The following VWA5B2 variants were observed in gnomAD, a reference collection of about 807,000 sequenced individuals.
VWA5B2 encodes the protein von Willebrand factor A domain-containing protein 5B2.
Under a neutral mutation model 118.5 loss-of-function variants are expected in VWA5B2, and 93 were observed. That is an observed-to-expected ratio of 0.79 (90% confidence interval 0.66 to 0.93). The LOEUF (loss-of-function observed/expected upper bound fraction) is 0.93. VWA5B2 is among the 40% of genes least tolerant of loss of function. VWA5B2 has a pLI of 0.00. For synonymous variants in VWA5B2, 708 were observed against 716.3 expected, an observed-to-expected ratio of 0.99 and a Z score of 0.19; for missense variants, 1,546 against 1,672.8, an observed-to-expected ratio of 0.92 and a Z score of 1.32.
Position 184,240,684 on chromosome 3 carries a change from T to C in VWA5B2, c.2741-107T>C, listed in dbSNP as rs771083457. The C allele has an allele frequency of 2.5e-4, 366 of 1,441,478 alleles. 1 individual carries two copies. Among genetic ancestry groups the C allele is most frequent in the Middle Eastern group, 1.0e-3 (4 of 3,976 alleles). 89.3% of individuals were successfully genotyped at this position (1,441,478 alleles called of 1,614,324 possible). On this transcript the variant is annotated intron_variant, in intron 16 of 19. Transcript: ENST00000691901. Reference sequence around the variant, plus strand: ...GGCCTAGCAAGGCAATCTACTCTGTTAAAGTCGATAGAGGGAGAAGCTGGG... The same window carrying C: ...GGCCTAGCAAGGCAATCTACTCTGTCAAAGTCGATAGAGGGAGAAGCTGGG...
In VWA5B2 at chr3:184,237,291, G is replaced by A. The variant is rs1009360732; in HGVS notation, c.1599G>A (p.Val533=). 1.3e-6 allele frequency: 2 copies of A among 1,551,658 alleles called. No individual in the cohort carries two copies. Among genetic ancestry groups the A allele is most frequent in the Non-Finnish European group, 1.7e-6 (2 of 1,147,024 alleles). The part of the protein sequence containing the change: ...ALSDISVDWF[V]PDTVEALLTP... ...GTGACATCTCTGTGGACTGGTTTGT[G>A]CCCGACACTGTGGAGGCACTGCTGA... Residue 533 remains valine, a synonymous_variant, in exon 12 of 20, where the codon GTG becomes GTA. Coordinates refer to ENST00000691901, the MANE Select transcript of VWA5B2 (RefSeq NM_001390846.1). The surrounding 1 kb of genome is among the most constrained non-coding windows in gnomAD (Gnocchi z 5.6).
At chr3:184,234,491 A>G (rs1009196074) in intron 6 of VWA5B2, 94 bp downstream of exon 6, 9 of 1,533,626 alleles carry the variant, frequency 5.9e-6, no homozygotes, top group African/African-American at 4.1e-5. Flanking sequence ...GGCCCCAGCC[A>G]GATGGACTGA....
Position 184,241,428 on chromosome 3 carries a change from TG to T in VWA5B2, c.3180+26del. ...TGGTGAGGACTCGGGAGGTGGAGGG[TG>T]GTGCCGCCGGGGCCGGGCGCTGTTT... On this transcript the variant is annotated intron_variant, in intron 19 of 19. Transcript: ENST00000691901. This position sits in a 1 kb window ranked among gnomAD's most constrained non-coding sequence, Gnocchi z 5.1. The T allele has an allele frequency of 2.5e-6, 4 of 1,573,824 alleles. No homozygotes were observed. Among genetic ancestry groups the T allele is most frequent in the Non-Finnish European group, 3.5e-6 (4 of 1,158,632 alleles).
rs1462599168 is a variant in VWA5B2, at chr3:184,240,805, T to C, written c.2755T>C (p.Cys919Arg). The C allele has an allele frequency of 1.3e-6, 2 of 1,551,026 alleles. No individual in the cohort carries two copies. Among genetic ancestry groups the C allele is most frequent in the South Asian group, 2.4e-5 (2 of 84,038 alleles). Residue 919 changes from cysteine to arginine, a missense_variant, in exon 17 of 20, where the codon TGC becomes CGC. By Grantham distance (180) the Cys-to-Arg change is radical (BLOSUM62 -3). Around this residue, in one of 3 missense-constraint regions of VWA5B2, gnomAD observed 763 missense variants for 766.6 expected, o/e 1.00. Transcript: ENST00000691901. Reference sequence around the variant, plus strand: ...TGGTTCCACAGGCCATGCCCGGAGGTGCTGGCTTCGAGCCCTTCAGACAAG... The same window carrying C: ...TGGTTCCACAGGCCATGCCCGGAGGCGCTGGCTTCGAGCCCTTCAGACAAG... ...TTADRGHARR[C>R]WLRALQTSKV...
Position 184,234,705 on chromosome 3 carries a change from C to T in VWA5B2, c.895C>T (p.Arg299Cys), listed in dbSNP as rs762461309. ...SAEYEARVRA[R>C]RDFQRLQRRD... ...AGAATATGAGGCCCGGGTGAGGGCCCGCCGAGATTTTCAGAGGCTACAGCG... is the reference window on the plus strand; with the variant it reads ...AGAATATGAGGCCCGGGTGAGGGCCTGCCGAGATTTTCAGAGGCTACAGCG... The change falls in exon 7 of 20, where the codon CGC (arginine) becomes TGC (cysteine). Residue 299 changes from arginine to cysteine, a missense_variant. Physicochemically the swap from Arg to Cys is radical, Grantham distance 180. Around this residue, in one of 3 missense-constraint regions of VWA5B2, gnomAD observed 775 missense variants for 882.3 expected, o/e 0.88. Transcript: ENST00000691901. 2.8e-5 allele frequency: 43 copies of T among 1,551,328 alleles called. No individual in the cohort carries two copies. The highest frequency in any genetic ancestry group is 2.7e-5 in the African/African-American group (2 of 73,058).
At chr3:184,230,696 C>T in intron 2 of VWA5B2, 29 bp downstream of exon 2, 1 of 1,227,452 alleles carries the variant, frequency 8.1e-7, no homozygotes, top group Non-Finnish European at 1.0e-6. Context: ...GCGGGCGCGG[C>T]GGGGGGTGCG....
chr3:184,237,443 T>C lies in VWA5B2; in HGVS notation c.1719+32T>C, dbSNP rs1718121903. 1 of 1,522,710 alleles carries C rather than the reference T, an allele frequency of 6.6e-7. No homozygotes were observed. The highest frequency in any genetic ancestry group is 1.4e-5 in the African/African-American group (1 of 72,532). 94.3% of individuals were successfully genotyped at this position (1,522,710 alleles called of 1,614,324 possible). Reference sequence around the variant, plus strand: ...TTGGGCTGGGGTGTGGTAGGGGGGCTAGGGTGAGGTAGGGGGGCCTGGGAT... The same window carrying C: ...TTGGGCTGGGGTGTGGTAGGGGGGCCAGGGTGAGGTAGGGGGGCCTGGGAT... On this transcript the variant is annotated intron_variant, in intron 12 of 19. Coordinates refer to ENST00000691901, the MANE Select transcript of VWA5B2 (RefSeq NM_001390846.1). This position sits in a 1 kb window ranked among gnomAD's most constrained non-coding sequence, Gnocchi z 5.6.
At position 184,241,777 on chromosome 3, in the gene VWA5B2, G is replaced by A. The variant is rs1412180263; in HGVS notation, c.3468G>A (p.Gly1156=). Residue 1156 remains glycine, a synonymous_variant, in exon 20 of 20, where the codon GGG becomes GGA. Coordinates refer to ENST00000691901, the MANE Select transcript of VWA5B2 (RefSeq NM_001390846.1). The surrounding 1 kb of genome is among the most constrained non-coding windows in gnomAD (Gnocchi z 5.1). Reference sequence around the variant, plus strand: ...CCGAGGCCTCCGAGGGGGCGGAAGGGCTGGGCGGCACCGACCTGCGGGGCC... The same window carrying A: ...CCGAGGCCTCCGAGGGGGCGGAAGGACTGGGCGGCACCGACCTGCGGGGCC... ...SDTEASEGAE[G]LGGTDLRGRT... is the part of the protein sequence containing the mutation. 4 of 1,488,520 alleles carry A rather than the reference G, an allele frequency of 2.7e-6. No homozygotes were observed. Among genetic ancestry groups the A allele is most frequent in the Non-Finnish European group, 3.6e-6 (4 of 1,121,746 alleles). 92.2% of individuals were successfully genotyped at this position (1,488,520 alleles called of 1,614,324 possible). A position where few individuals can be genotyped will look rare whatever the true frequency, so the allele number is the denominator to read the frequency against.
chr3:184,241,620 C>G lies in VWA5B2; in HGVS notation c.3311C>G (p.Ser1104Trp). The change falls in exon 20 of 20, where the codon TCG becomes TGG. Residue 1104 changes from serine to tryptophan, a missense_variant. This residue lies in a region of VWA5B2 where 763 missense variants were observed against 766.6 expected (regional missense o/e 1.00). Transcript: ENST00000691901. The surrounding 1 kb of genome is among the most constrained non-coding windows in gnomAD (Gnocchi z 5.1). ...AVHRASLSPT[S>W]ASLPWALLGP... ...CACCGCGCCAGCCTCAGCCCCACCTCGGCCTCATTGCCCTGGGCACTTCTG... is the reference window on the plus strand; with the variant it reads ...CACCGCGCCAGCCTCAGCCCCACCTGGGCCTCATTGCCCTGGGCACTTCTG... 1 of 1,542,332 alleles carries G rather than the reference C, an allele frequency of 6.5e-7. No homozygotes were observed. Among genetic ancestry groups the G allele is most frequent in the Non-Finnish European group, 8.7e-7 (1 of 1,146,546 alleles).
chr3:184,234,660 G>A lies in VWA5B2; in HGVS notation c.850G>A (p.Gly284Ser), dbSNP rs1158414271. 2 of 1,551,272 alleles carry A rather than the reference G, an allele frequency of 1.3e-6. No homozygotes were observed. The highest frequency in any genetic ancestry group is 2.7e-5 in the African/African-American group (2 of 73,070). The change falls in exon 7 of 20, where the codon GGC becomes AGC. Residue 284 changes from glycine (G) to serine (S), a missense_variant. Gly to Ser is a moderately conservative substitution (Grantham distance 56). Coordinates refer to ENST00000691901, the MANE Select transcript of VWA5B2 (RefSeq NM_001390846.1). ...CCATCAGCCACACCTGATGCTGGAG[G>A]GCGGCAGCCTGAGCTCAGCAGAATA... ...EPHQPHLMLE[G>S]GSLSSAEYEA...
chr3:184,234,745 G>A lies in VWA5B2; in HGVS notation c.935G>A (p.Gly312Glu), dbSNP rs1361901189. ...FQRLQRRDSD[G>E]DRQVWFLQRR... ...AGGCTACAGCGAAGGGACAGTGATGGGGACCGGCAGGTACCGCCATAGGAG... is the reference window on the plus strand; with the variant it reads ...AGGCTACAGCGAAGGGACAGTGATGAGGACCGGCAGGTACCGCCATAGGAG... Residue 312 changes from glycine (G) to glutamate (E), a missense_variant, in exon 7 of 20, where the codon GGG becomes GAG. This residue lies in a region of VWA5B2 where 775 missense variants were observed against 882.3 expected (regional missense o/e 0.88). Coordinates refer to ENST00000691901, the MANE Select transcript of VWA5B2 (RefSeq NM_001390846.1). 2.6e-6 allele frequency: 4 copies of A among 1,550,668 alleles called. No homozygotes were observed. The Admixed American group carries it at 5.9e-5, about 23-fold the overall frequency.
At chr3:184,240,546 G>A (rs897762094) in intron 16 of VWA5B2, 17 of 556,392 alleles carry the variant, frequency 3.1e-5, no homozygotes, top group African/African-American at 3.0e-4. Flanking sequence ...CTTCCTCTGG[G>A]TGTTGTCCAG....
chr3:184,232,844 G>C, intron 3 of VWA5B2: 1 of 354,250 alleles, frequency 2.8e-6, no homozygotes, highest in Non-Finnish European at 5.1e-6. Flanking sequence ...GCCAAGGGTT[G>C]AATGGAAAGA....
In VWA5B2 at chr3:184,241,288, C is replaced by CGCCCACCTCCCCGTCCTCCCT. The variant is rs1332264603; in HGVS notation, c.3066_3086dup (p.Pro1023_Cys1029dup). On this transcript the variant is annotated inframe_insertion, in exon 19 of 20. Coordinates refer to ENST00000691901, the MANE Select transcript of VWA5B2 (RefSeq NM_001390846.1). The surrounding 1 kb of genome is among the most constrained non-coding windows in gnomAD (Gnocchi z 5.1). ...TGCCACTCCCACGGAAGGTCCTCGC[C>CGCCCACCTCCCCGTCCTCCCT]GCCCACCTCCCCGTCCTCCCTGTCG... 6 of 1,551,236 alleles carry CGCCCACCTCCCCGTCCTCCCT rather than the reference C, an allele frequency of 3.9e-6. No individual in the cohort carries two copies. Among genetic ancestry groups the CGCCCACCTCCCCGTCCTCCCT allele is most frequent in the Non-Finnish European group, 5.2e-6 (6 of 1,147,000 alleles).
At chr3:184,240,387 A>G (rs1216206667) in intron 16 of VWA5B2, 7 of 343,652 alleles carry the variant, frequency 2.0e-5, no homozygotes, top group African/African-American at 1.5e-4. Flanking sequence ...GAAAATACTT[A>G]AAGTTCATTT....
intron 6 of VWA5B2, 36 bp downstream of exon 6, chr3:184,234,433 C>A (rs1226134683): frequency 5.2e-6 from 8 of 1,549,566 alleles, no homozygotes; most frequent in Non-Finnish European, 6.1e-6. Flanking sequence ...CCGGCTCTGA[C>A]CTGCTTCTAC....
chr3:184,238,035 G>A lies in VWA5B2; in HGVS notation c.1720-268G>A, dbSNP rs932536138. On this transcript the variant is annotated intron_variant, in intron 12 of 19. Coordinates refer to ENST00000691901, the MANE Select transcript of VWA5B2 (RefSeq NM_001390846.1). This position sits in a 1 kb window ranked among gnomAD's most constrained non-coding sequence, Gnocchi z 5.0. ...TTATCTCTTTAGAAGAACTCTGCAC[G>A]CTTCCTCCTTTTTGATCATGAGAGC... Among the ~76,000 whole-genome samples the A allele has an allele frequency of 2.0e-5, 3 of 152,070 alleles. No homozygotes were observed. The highest frequency in any genetic ancestry group is 1.3e-4 in the Admixed American group (2 of 15,262).
rs1717569432 is a variant in VWA5B2 at position 184,233,148 on chromosome 3, TG to T, written c.311-29del. 6.5e-7 allele frequency: 1 copy of T among 1,535,512 alleles called. No individual in the cohort carries two copies. The highest frequency in any genetic ancestry group is 1.4e-5 in the African/African-American group (1 of 72,762). On this transcript the variant is annotated intron_variant, in intron 3 of 19. Coordinates refer to ENST00000691901, the MANE Select transcript of VWA5B2 (RefSeq NM_001390846.1). The surrounding 1 kb of genome is among the most constrained non-coding windows in gnomAD (Gnocchi z 5.2). ...TCCTCCCTCTCCTCTGCTTCCAGCA[TG>T]CTCTGACCCCATTTCTCACCCATCA... is the stretch of plus-strand genomic sequence containing the variant.
chr3:184,234,196 C>T, intron 5 of VWA5B2, 70 bp from the exon 6 acceptor site: 1 of 1,526,868 alleles, frequency 6.5e-7, no homozygotes. Flanking sequence ...GCCATGACCC[C>T]TGCCAACATT....
Sources: allele counts gnomAD v4.1 joint callset (sites outside exome capture counted in the v4.1 genomes callset), GRCh38; gene constraint gnomAD v4.1.1; regional missense constraint gnomAD v4.1.1; non-coding constraint Gnocchi (gnomAD v3.1); transcripts MANE v1.5; gene names NCBI Gene and HGNC (gene_info 2026-07-23, HGNC 2026-07-21).